The following FITM2 variants were observed in gnomAD, a reference collection of about 807,000 sequenced individuals.
FITM2 encodes fat storage inducing transmembrane protein 2.
A neutral mutation model predicts 23.3 loss-of-function variants in FITM2; 16 were observed. That is an observed-to-expected ratio of 0.69 (90% CI 0.47 to 1.05). The LOEUF (loss-of-function observed/expected upper bound fraction) is 1.05, where lower values mean the gene tolerates loss of function less well. FITM2 is among the 50% of genes least tolerant of loss of function. The pLI, the probability that FITM2 is intolerant of heterozygous loss-of-function variation, is 0.00. For synonymous variants in FITM2, 132 were observed against 142.0 expected (o/e 0.93, Z 0.50); for missense variants, 273 against 327.5 (o/e 0.83, Z 1.29).
chr20:44,310,906 C>A, intron 1 of FITM2, 70 bp downstream of exon 1: 1 of 1,486,140 alleles, frequency 6.7e-7, no homozygotes. Flanking sequence ...GCAGCTAGCA[C>A]CGGCTTCTCT....
chr20:44,309,460 G>A (rs1222915236), intron 1 of FITM2, among the ~76,000 whole-genome samples: 1 of 152,174 alleles, frequency 6.6e-6, no homozygotes, highest in Admixed American at 6.5e-5. Flanking sequence ...GATTACAGGT[G>A]TGAGCCACTG....
At chr20:44,307,699 T>A (rs543867455) in intron 1 of FITM2, among the ~76,000 whole-genome samples, 38 of 152,064 alleles carry the variant, frequency 2.5e-4, no homozygotes, top group African/African-American at 8.7e-4. Flanking sequence ...GTCCTGGGAT[T>A]ACAGGCATGA....
rs747063104 is a variant in FITM2, at chr20:44,310,945, C to A, written c.173+31G>T. ...CGAGGCGACAGCGGGCCGGCTCGGG[C>A]GGGGACAGCGGAGGACCGGGGTGCA... On this transcript the variant is annotated intron_variant, in intron 1 of 1. Coordinates refer to ENST00000396825, the MANE Select transcript of FITM2 (RefSeq NM_001080472.4). The A allele has an allele frequency of 5.0e-5, 76 of 1,519,806 alleles. 1 individual carries two copies. In the Admixed American group the frequency reaches 1.5e-3, roughly 30 times the overall value. The allele number at this position is 1,519,806 out of a possible 1,614,324, so 94.1% of individuals were successfully genotyped here.
At position 44,306,766 on chromosome 20, in the gene FITM2, C is replaced by T. The variant is rs2062691014; in HGVS notation, c.648G>A (p.Leu216=). The T allele has an allele frequency of 1.9e-6, 3 of 1,614,086 alleles. No individual in the cohort carries two copies. Among genetic ancestry groups the T allele is most frequent in the Non-Finnish European group, 2.5e-6 (3 of 1,180,010 alleles). ...FLCTAVYFHN[L]SQKVFGTLFG... ...ACAAGGTGCCAAACACCTTCTGGGA[C>T]AAGTTGTGGAAATAAACAGCTGTGC... The change falls in exon 2 of 2, where the codon TTG becomes TTA. Residue 216 remains leucine, a synonymous_variant. Transcript: ENST00000396825.
In FITM2 at chr20:44,310,978, G is replaced by A; in HGVS notation, c.171C>T (p.Asn57=). ...SYLSNKRNVL[N]VYFVKVAWAW... ...GCGGAGGACCGGGGTGCACTCACAC[G>A]TTGAGGACGTTGCGCTTGTTGCTGA... Residue 57 remains asparagine, a splice_region_variant and synonymous_variant, in exon 1 of 2, where the codon AAC becomes AAT. Coordinates refer to ENST00000396825, the MANE Select transcript of FITM2 (RefSeq NM_001080472.4). 6.4e-7 allele frequency: 1 copy of A among 1,550,850 alleles called. No homozygotes were observed.
At chr20:44,308,577 C>T (rs968271757) in intron 1 of FITM2, among the ~76,000 whole-genome samples, 1 of 152,150 alleles carries the variant, frequency 6.6e-6, no homozygotes, top group African/African-American at 2.4e-5. Context: ...ACTCTGTCCC[C>T]CAGGCTTGCG....
intron 1 of FITM2, among the ~76,000 whole-genome samples, chr20:44,307,725 C>T (rs939173092): frequency 6.6e-6 from 1 of 151,924 alleles, no homozygotes; most frequent in Non-Finnish European, 1.5e-5. Context: ...TGTGCCCAGC[C>T]CTCCCCTCCT....
intron 1 of FITM2, among the ~76,000 whole-genome samples, chr20:44,309,818 A>G (rs542749438): frequency 6.6e-6 from 1 of 152,238 alleles, no homozygotes; most frequent in Non-Finnish European, 1.5e-5. Context: ...AGGCCAGAGG[A>G]AGCAGCAGCT....
rs754449860 is a variant in FITM2 at position 44,307,241 on chromosome 20, C to T, written c.174-1G>A. The T allele has an allele frequency of 6.2e-7, 1 of 1,613,092 alleles. No individual in the cohort carries two copies. Among genetic ancestry groups the T allele is most frequent in the South Asian group, 1.1e-5 (1 of 91,058 alleles). ...GGCCCAGGCCACTTTGACAAAATAC[C>T]TGACAGAGGAGGAAAGTGGAAGTGA... On this transcript the variant is annotated splice_acceptor_variant, in intron 1 of 1. Transcript: ENST00000396825. LOFTEE classifies it high-confidence loss of function.
chr20:44,303,325 A>T lies in FITM2; in HGVS notation c.*3300T>A, dbSNP rs2062681835. The T allele has an allele frequency of 6.6e-6, 1 of 152,196 alleles. No homozygotes were observed. The highest frequency in any genetic ancestry group is 2.4e-5 in the African/African-American group (1 of 41,434). 9.4% of individuals were successfully genotyped at this position (152,196 alleles called of 1,614,324 possible). ...CACAGCTATCAGGAGTGGTGCCAAG[A>T]TATGAACCCACATCTCATGTTTGCT... On this transcript the variant is annotated 3_prime_UTR_variant, in exon 2 of 2. Transcript: ENST00000396825.
Position 44,306,781 on chromosome 20 carries a change from A to G in FITM2, c.633T>C (p.Val211=). The G allele has an allele frequency of 6.2e-7, 1 of 1,614,140 alleles. No homozygotes were observed. The highest frequency in any genetic ancestry group is 8.5e-7 in the Non-Finnish European group (1 of 1,180,028). The change falls in exon 2 of 2, where the codon GTT becomes GTC. Residue 211 remains valine (V), a synonymous_variant. Coordinates refer to ENST00000396825, the MANE Select transcript of FITM2 (RefSeq NM_001080472.4). ...CCTTCTGGGACAAGTTGTGGAAATA[A>G]ACAGCTGTGCACAGAAACATCAACA... ...IWVLMFLCTA[V]YFHNLSQKVF...
intron 1 of FITM2, among the ~76,000 whole-genome samples, chr20:44,309,487 T>C (rs1334670783): frequency 6.6e-6 from 1 of 152,168 alleles, no homozygotes; most frequent in African/African-American, 2.4e-5. Context: ...GCCTGGTTCT[T>C]TCCTAACGGC....
chr20:44,306,523 T>G lies in FITM2; in HGVS notation c.*102A>C. On this transcript the variant is annotated 3_prime_UTR_variant, in exon 2 of 2. Coordinates refer to ENST00000396825, the MANE Select transcript of FITM2 (RefSeq NM_001080472.4). ...CCCACCAAAACTGCCTGGTACACTT[T>G]CCCTCTGAAGTAGGATCAATAATTT... is the stretch of plus-strand genomic sequence containing the variant. The G allele has an allele frequency of 6.7e-7, 1 of 1,496,924 alleles. No individual in the cohort carries two copies. Among genetic ancestry groups the G allele is most frequent in the South Asian group, 1.3e-5 (1 of 75,142 alleles). 92.7% of individuals were successfully genotyped at this position (1,496,924 alleles called of 1,614,324 possible). A position where few individuals can be genotyped will look rare whatever the true frequency, so the allele number is the denominator to read the frequency against.
intron 1 of FITM2, 45 bp downstream of exon 1, chr20:44,310,931 C>T: frequency 6.7e-7 from 1 of 1,502,282 alleles, no homozygotes; most frequent in African/African-American, 1.4e-5. Context: ...GAGGCGACAG[C>T]GGGCCGGCTC....
intron 1 of FITM2, among the ~76,000 whole-genome samples, chr20:44,308,632 C>T (rs548779996): frequency 1.3e-5 from 2 of 152,296 alleles, no homozygotes; most frequent in Admixed American, 1.3e-4. Flanking sequence ...AACTCCTGGG[C>T]TCAAGCAATC....
rs1440285152 is a variant in FITM2, at chr20:44,302,858, GTTTAC to G, written c.*3762_*3766del. 7.9e-5 allele frequency: 12 copies of G among 152,162 alleles called. No individual in the cohort carries two copies. In the East Asian group the frequency reaches 1.9e-3, roughly 24 times the overall value. 9.4% of individuals were successfully genotyped at this position (152,162 alleles called of 1,614,324 possible). On this transcript the variant is annotated 3_prime_UTR_variant, in exon 2 of 2. Transcript: ENST00000396825. The stretch of plus-strand genomic sequence containing the variant: ...TGAAATATGGGATTTCATTATCTCA[GTTTAC>G]TTTAATTTGCTTGTTTACACACACG...
At chr20:44,310,168 T>G (rs1156493769) in intron 1 of FITM2, among the ~76,000 whole-genome samples, 1 of 152,184 alleles carries the variant, frequency 6.6e-6, no homozygotes, top group Non-Finnish European at 1.5e-5. Flanking sequence ...CAGAGACACT[T>G]ATTCTGGAAA....
In FITM2 at chr20:44,308,203, C is replaced by A. The variant is rs138479393; in HGVS notation, c.174-963G>T. Reference sequence around the variant, plus strand: ...GGAAGTGCCACACCAAAAGTGGAGGCCAGAAGCGGAGGAGCCAGGATTCAA... The same window carrying A: ...GGAAGTGCCACACCAAAAGTGGAGGACAGAAGCGGAGGAGCCAGGATTCAA... On this transcript the variant is annotated intron_variant, in intron 1 of 1. Coordinates refer to ENST00000396825, the MANE Select transcript of FITM2 (RefSeq NM_001080472.4). Among the ~76,000 whole-genome samples, 602 of 152,290 alleles carry A rather than the reference C, an allele frequency of 4.0e-3. 8 individuals are homozygous for A. Among genetic ancestry groups the A allele is most frequent in the East Asian group, 0.015 (80 of 5,190 alleles).
At chr20:44,310,900 C>G (rs1024656547) in intron 1 of FITM2, 76 bp downstream of exon 1, 1 of 1,480,404 alleles carries the variant, frequency 6.8e-7, no homozygotes, top group Non-Finnish European at 9.0e-7. Flanking sequence ...ACCACGGCAG[C>G]TAGCACCGGC....
Sources: gnomAD v4.1 joint callset for allele counts (sites outside exome capture counted in the v4.1 genomes callset) on GRCh38, gnomAD v4.1.1 for gene constraint, MANE v1.5 for transcripts, NCBI Gene and HGNC (gene_info 2026-07-23, HGNC 2026-07-21) for gene names.